EMID1: variants seen among roughly 807,000 people sequenced by gnomAD.
EMID1 encodes the protein EMI domain containing 1.
Under a neutral mutation model 60.6 loss-of-function variants are expected in EMID1, and 40 were observed. The observed-to-expected ratio is 0.66, with a 90% CI of 0.51 to 0.86. The LOEUF is 0.86. Among genes scored for constraint, EMID1 ranks in the 40% least tolerant of loss-of-function variants. EMID1 has a pLI of 0.00. For missense variants in EMID1, 585 were observed against 597.1 expected, an observed-to-expected ratio of 0.98 and a Z score of 0.21; for synonymous variants, 242 against 231.0, an observed-to-expected ratio of 1.05 and a Z score of -0.43.
chr22:29,219,504 G>C (rs1315360936), intron 3 of EMID1, among the ~76,000 whole-genome samples: 1 of 152,158 alleles, frequency 6.6e-6, no homozygotes, highest in Non-Finnish European at 1.5e-5. Context: ...AACAGGCCAG[G>C]CACAGCAGCT....
rs2146501482 is a variant in EMID1, at chr22:29,259,044, C to T, written c.*100C>T. On this transcript the variant is annotated 3_prime_UTR_variant, in exon 15 of 15. Coordinates refer to ENST00000334018, the MANE Select transcript of EMID1 (RefSeq NM_133455.4). ...ACCGCCCGTCCATATTTATTAATGT[C>T]CTCAGGGTCCCTTCTGCCATCTAGG... The T allele has an allele frequency of 4.0e-6, 6 of 1,505,604 alleles. No individual in the cohort carries two copies. The Admixed American group carries it at 7.3e-5, about 18-fold the overall frequency. 93.3% of individuals were successfully genotyped at this position (1,505,604 alleles called of 1,614,324 possible). A position where few individuals can be genotyped will look rare whatever the true frequency, so the allele number is the denominator to read the frequency against.
At chr22:29,238,029 A>C (rs2041018178) in intron 12 of EMID1, among the ~76,000 whole-genome samples, 1 of 143,480 alleles carries the variant, frequency 7.0e-6, no homozygotes, top group Non-Finnish European at 1.5e-5. Flanking sequence ...GAAAGTCTTC[A>C]TTTCCCTTTC....
At chr22:29,210,289 T>C (rs1322519801) in intron 1 of EMID1, among the ~76,000 whole-genome samples, 1 of 149,532 alleles carries the variant, frequency 6.7e-6, no homozygotes, top group African/African-American at 2.5e-5. Flanking sequence ...GTTTTGCTCC[T>C]GTTGCCCAGG....
chr22:29,215,499 C>A, intron 2 of EMID1, 28 bp from the exon 3 acceptor site: 1 of 1,605,070 alleles, frequency 6.2e-7, no homozygotes, highest in South Asian at 1.1e-5. Context: ...GACCCTGTCT[C>A]AGCTGGGCCA....
At chr22:29,220,357 C>T (rs1001861326) in intron 3 of EMID1, among the ~76,000 whole-genome samples, 7 of 152,198 alleles carry the variant, frequency 4.6e-5, no homozygotes, top group Admixed American at 4.6e-4. Context: ...GAGGCCAGGC[C>T]GGACATAGAC....
chr22:29,210,250 A>AT (rs132374), intron 1 of EMID1, among the ~76,000 whole-genome samples: 66 of 126,818 alleles, frequency 5.2e-4, no homozygotes, highest in South Asian at 3.0e-3. Flanking sequence ...CACATGGCAA[A>AT]TTTTTTTTTT....
At chr22:29,208,891 G>C (rs1341472429) in intron 1 of EMID1, among the ~76,000 whole-genome samples, 1 of 152,222 alleles carries the variant, frequency 6.6e-6, no homozygotes, top group East Asian at 1.9e-4. Flanking sequence ...GGATTTGAGT[G>C]AAGCTTCCCC....
Position 29,254,253 on chromosome 22 carries a change from G to C in EMID1, c.1170G>C (p.Arg390Ser), listed in dbSNP as rs1466434489. The change falls in exon 14 of 15, where the codon AGG becomes AGC. Residue 390 changes from arginine (R) to serine (S), a missense_variant. Transcript: ENST00000334018. Reference sequence around the variant, plus strand: ...AGGCTTTGAAGATTTTAGCTGAGAGGGTTTTAATCTTGGAAACAATGATTG... The same window carrying C: ...AGGCTTTGAAGATTTTAGCTGAGAGCGTTTTAATCTTGGAAACAATGATTG... ...LREALKILAE[R>S]VLILETMIGL... 4 of 1,614,168 alleles carry C rather than the reference G, an allele frequency of 2.5e-6. No homozygotes were observed. The highest frequency in any genetic ancestry group is 8.5e-7 in the Non-Finnish European group (1 of 1,180,014).
rs557340118 is a variant in EMID1, at chr22:29,230,870, C to T, written c.466-150C>T. ...ACTTGGAAGGCTGAGGCAGAAGGATCGCTTAAGCCCGGGTGGTTGAGGCTG... is the reference window on the plus strand; with the variant it reads ...ACTTGGAAGGCTGAGGCAGAAGGATTGCTTAAGCCCGGGTGGTTGAGGCTG... On this transcript the variant is annotated intron_variant, in intron 5 of 14. Coordinates refer to ENST00000334018, the MANE Select transcript of EMID1 (RefSeq NM_133455.4). 6.5e-6 allele frequency: 6 copies of T among 917,922 alleles called. No individual in the cohort carries two copies. In the South Asian group the frequency reaches 1.0e-4, roughly 16 times the overall value. 56.9% of individuals were successfully genotyped at this position (917,922 alleles called of 1,614,324 possible). A position where few individuals can be genotyped will look rare whatever the true frequency, so the allele number is the denominator to read the frequency against.
At position 29,258,866 on chromosome 22, in the gene EMID1, C is replaced by T; in HGVS notation, c.1254C>T (p.Ser418=). The T allele has an allele frequency of 6.2e-7, 1 of 1,613,148 alleles. No homozygotes were observed. The highest frequency in any genetic ancestry group is 8.5e-7 in the Non-Finnish European group (1 of 1,179,758). The change falls in exon 15 of 15, where the codon AGC becomes AGT. Residue 418 remains serine, a synonymous_variant. Transcript: ENST00000334018. ...GCCCTGCCGGCACAGGCACCCCCAG[C>T]CTCCTTCGGGGCAAGAGGGGCGGAC... is the stretch of plus-strand genomic sequence containing the variant. ...GAGPAGTGTP[S]LLRGKRGGHA...
chr22:29,219,345 C>G (rs1381206325), intron 3 of EMID1, among the ~76,000 whole-genome samples: 1 of 152,174 alleles, frequency 6.6e-6, no homozygotes, highest in African/African-American at 2.4e-5. Context: ...CCCCCTGGAG[C>G]TGGGCTGCCT....
intron 12 of EMID1, among the ~76,000 whole-genome samples, chr22:29,242,119 G>A: frequency 6.6e-6 from 1 of 151,964 alleles, no homozygotes; most frequent in Non-Finnish European, 1.5e-5. Context: ...TAGTAGAAAT[G>A]GGGTTGCTCA....
intron 13 of EMID1, among the ~76,000 whole-genome samples, chr22:29,249,788 T>C (rs1380686314): frequency 6.6e-6 from 1 of 150,782 alleles, no homozygotes; most frequent in African/African-American, 2.4e-5. Flanking sequence ...CTAATTTTTG[T>C]ATTTTGAGTA....
intron 12 of EMID1, 119 bp downstream of exon 12, chr22:29,234,468 T>C (rs1458163240): frequency 8.3e-7 from 1 of 1,200,692 alleles, no homozygotes; most frequent in Non-Finnish European, 1.2e-6. Context: ...TCATTTATTT[T>C]CAGATGCTCC....
intron 13 of EMID1, among the ~76,000 whole-genome samples, chr22:29,247,935 A>T (rs2041383733): frequency 6.8e-6 from 1 of 147,830 alleles, no homozygotes; most frequent in African/African-American, 2.5e-5. Context: ...TGGTGAAATT[A>T]ATTTTTTTTT....
At chr22:29,218,100 G>T (rs922569460) in intron 3 of EMID1, among the ~76,000 whole-genome samples, 1 of 152,256 alleles carries the variant, frequency 6.6e-6, no homozygotes, top group African/African-American at 2.4e-5. Flanking sequence ...CCAGCATGAA[G>T]AAGTAGCACT....
In EMID1 at chr22:29,254,262, C is replaced by T; in HGVS notation, c.1179C>T (p.Ile393=). The part of the protein sequence containing the change: ...ALKILAERVL[I]LETMIGLYEP... ...AGATTTTAGCTGAGAGGGTTTTAAT[C>T]TTGGAAACAATGATTGGGCTCTATG... The change falls in exon 14 of 15, where the codon ATC becomes ATT. Residue 393 remains isoleucine, a synonymous_variant. Coordinates refer to ENST00000334018, the MANE Select transcript of EMID1 (RefSeq NM_133455.4). 6.2e-7 allele frequency: 1 copy of T among 1,614,154 alleles called. No individual in the cohort carries two copies. The highest frequency in any genetic ancestry group is 1.1e-5 in the South Asian group (1 of 91,080).
At chr22:29,243,030 A>T (rs1234617166) in intron 12 of EMID1, among the ~76,000 whole-genome samples, 1 of 152,166 alleles carries the variant, frequency 6.6e-6, no homozygotes, top group Non-Finnish European at 1.5e-5. Context: ...ATGCAGATTT[A>T]GTTCCCCCAC....
intron 13 of EMID1, among the ~76,000 whole-genome samples, chr22:29,253,434 T>G (rs536364214): frequency 3.3e-5 from 5 of 152,298 alleles, no homozygotes; most frequent in African/African-American, 1.2e-4. Context: ...AATACAAAGT[T>G]AGCTGGGTGT....
Sources: gnomAD v4.1 joint callset for allele counts (sites outside exome capture counted in the v4.1 genomes callset) on GRCh38, gnomAD v4.1.1 for gene constraint, MANE v1.5 for transcripts, NCBI Gene and HGNC (gene_info 2026-07-23, HGNC 2026-07-21) for gene names.